FHIT: variants seen among roughly 807,000 people sequenced by gnomAD.
The protein encoded by FHIT is bis(5'-adenosyl)-triphosphatase.
A neutral mutation model predicts 17.9 loss-of-function variants in FHIT; 19 were observed. That is an observed-to-expected ratio of 1.06 (90% CI 0.74 to 1.56). FHIT has a LOEUF of 1.56. Among genes scored for constraint, FHIT ranks in the 40% most tolerant of loss-of-function variants. FHIT has a pLI of 0.00. For synonymous variants in FHIT, 81 were observed against 69.7 expected (o/e 1.16, Z -0.81); for missense variants, 248 against 189.2 (o/e 1.31, Z -1.82).
intron 5 of FHIT, among the ~76,000 whole-genome samples, chr3:60,193,998 A>G (rs553053585): frequency 6.6e-6 from 1 of 152,360 alleles, no homozygotes; most frequent in Non-Finnish European, 1.5e-5. Context: ...ATATCATGAA[A>G]ATGATCATAA....
At chr3:60,673,276 C>T (rs955862618) in intron 4 of FHIT, among the ~76,000 whole-genome samples, 1 of 152,086 alleles carries the variant, frequency 6.6e-6, no homozygotes, top group Non-Finnish European at 1.5e-5. Flanking sequence ...TGCGGGTTGA[C>T]TAGCAGTACA....
chr3:60,670,408 T>C (rs1303594080), intron 4 of FHIT, among the ~76,000 whole-genome samples: 3 of 152,216 alleles, frequency 2.0e-5, no homozygotes, highest in African/African-American at 4.8e-5. Context: ...GATAACCTTC[T>C]TTATTTCTCA....
intron 5 of FHIT, among the ~76,000 whole-genome samples, chr3:60,435,904 A>G (rs2030185150): frequency 6.6e-6 from 1 of 152,062 alleles, no homozygotes; most frequent in African/African-American, 2.4e-5. Flanking sequence ...GTGAAAACGT[A>G]TAGTATTTGG....
Position 60,489,859 on chromosome 3 carries a change from A to C in FHIT, c.103+47001T>G, listed in dbSNP as rs202239296. Among the ~76,000 whole-genome samples, 20 of 152,276 alleles carry C rather than the reference A, an allele frequency of 1.3e-4. No homozygotes were observed. In the East Asian group the frequency reaches 3.9e-3, roughly 29 times the overall value. ...GCCAAAAAGTATGAAGAAATCCTTC[A>C]AGTTTCCCAGGCACTGAACAGGAGG... On this transcript the variant is annotated intron_variant, in intron 5 of 9. Transcript: ENST00000492590.
At chr3:60,957,233 C>CTTTTTTTTTT (rs35221092) in intron 3 of FHIT, among the ~76,000 whole-genome samples, 8 of 97,136 alleles carry the variant, frequency 8.2e-5, no homozygotes, top group East Asian at 2.6e-4. Context: ...TTCTTTCTTT[C>CTTTTTTTTTT]TTTTTTTTTT....
intron 1 of FHIT, among the ~76,000 whole-genome samples, chr3:61,203,380 T>C (rs1348249651): frequency 6.6e-6 from 1 of 150,724 alleles, no homozygotes; most frequent in African/African-American, 2.4e-5. Flanking sequence ...TATATGCCCA[T>C]GCTAAACCTA....
chr3:61,241,377 G>A (rs1182716776), intron 1 of FHIT, among the ~76,000 whole-genome samples: 10 of 152,130 alleles, frequency 6.6e-5, no homozygotes, highest in East Asian at 1.9e-4. Flanking sequence ...AGCAGGTACC[G>A]TCCTTCAGTT....
rs189526762 is a variant in FHIT at position 59,832,777 on chromosome 3, T to C, written c.349-80456A>G. The stretch of plus-strand genomic sequence containing the variant: ...GAACTCAGCCTCAGCTTACATCATG[T>C]GCGCAAGTGAATCTGGGGATGCTAG... On this transcript the variant is annotated intron_variant, in intron 8 of 9. Coordinates refer to ENST00000492590, the MANE Select transcript of FHIT (RefSeq NM_002012.4). 1.1e-4 allele frequency among the ~76,000 whole-genome samples: 17 copies of C among 152,342 alleles called. No individual in the cohort carries two copies. In the East Asian group the frequency reaches 3.3e-3, roughly 29 times the overall value.
intron 1 of FHIT, among the ~76,000 whole-genome samples, chr3:61,226,364 T>G (rs1441430664): frequency 6.6e-6 from 1 of 152,162 alleles, no homozygotes; most frequent in African/African-American, 2.4e-5. Context: ...AGGCAGTCTA[T>G]TTTCCTGCAT....
intron 2 of FHIT, among the ~76,000 whole-genome samples, chr3:61,113,602 A>G (rs1227790961): frequency 6.6e-6 from 1 of 152,080 alleles, no homozygotes; most frequent in East Asian, 1.9e-4. Flanking sequence ...GTTATTTCCT[A>G]GTTCTATGTT....
chr3:60,548,859 TC>T (rs560355551), intron 4 of FHIT, among the ~76,000 whole-genome samples: 126 of 152,332 alleles, frequency 8.3e-4, no homozygotes, highest in African/African-American at 2.9e-3. Context: ...TTCATCATAC[TC>T]TTGACTCCAA....
chr3:60,082,736 G>A (rs7646436), intron 5 of FHIT, among the ~76,000 whole-genome samples: 33,525 of 152,004 alleles, frequency 0.22, 3,794 homozygotes, highest in South Asian at 0.24. Context: ...GTGAGGTTGA[G>A]CATTTTTTCA....
chr3:60,732,709 C>CAA (rs2042057717), intron 4 of FHIT: 1 of 239,692 alleles, frequency 4.2e-6, no homozygotes, highest in Non-Finnish European at 7.7e-6. Context: ...TTTTTTTTGA[C>CAA]AAAGTCTCGC....
At chr3:61,237,161 AG>A (rs1282697960) in intron 1 of FHIT, among the ~76,000 whole-genome samples, 1 of 152,208 alleles carries the variant, frequency 6.6e-6, no homozygotes, top group Admixed American at 6.5e-5. Flanking sequence ...TCGTACAGAA[AG>A]TTTTTTAAAA....
intron 5 of FHIT, among the ~76,000 whole-genome samples, chr3:60,453,539 G>A (rs1216324096): frequency 6.6e-6 from 1 of 152,140 alleles, no homozygotes; most frequent in Admixed American, 6.5e-5. Flanking sequence ...AAAATCAACA[G>A]GAAGTTGTAA....
intron 4 of FHIT, among the ~76,000 whole-genome samples, chr3:60,619,951 T>TA (rs1553677761): frequency 1.3e-5 from 2 of 151,978 alleles, no homozygotes; most frequent in Non-Finnish European, 2.9e-5. Flanking sequence ...ATATTTTTTT[T>TA]AAAGTCTTAA....
At chr3:59,909,355 A>G (rs1418462726) in intron 8 of FHIT, among the ~76,000 whole-genome samples, 1 of 151,564 alleles carries the variant, frequency 6.6e-6, no homozygotes, top group African/African-American at 2.4e-5. Context: ...TTTTAGGTGG[A>G]GTCTGGCTCT....
intron 7 of FHIT, among the ~76,000 whole-genome samples, chr3:59,925,210 C>T (rs1331990615): frequency 6.6e-6 from 1 of 152,056 alleles, no homozygotes; most frequent in Non-Finnish European, 1.5e-5. Flanking sequence ...CTCAAGAGAT[C>T]CTCCTGCCTC....
intron 3 of FHIT, among the ~76,000 whole-genome samples, chr3:60,951,833 T>C (rs1708897690): frequency 6.6e-6 from 1 of 152,128 alleles, no homozygotes; most frequent in Non-Finnish European, 1.5e-5. Context: ...TTGTTTTCCC[T>C]AAATAAAGGG....
Sources: allele counts gnomAD v4.1 joint callset (sites outside exome capture counted in the v4.1 genomes callset), GRCh38; gene constraint gnomAD v4.1.1; transcripts MANE v1.5; gene names NCBI Gene and HGNC (gene_info 2026-07-23, HGNC 2026-07-21).